Variants in TRABD observed in about 807,000 individuals in gnomAD.
The protein encoded by TRABD is traB domain-containing protein.
TRABD carries 23 observed loss-of-function variants against 39.6 expected under a neutral mutation model. That is an observed-to-expected ratio of 0.58 (90% CI 0.42 to 0.82). TRABD has a LOEUF of 0.82. TRABD is among the 40% of genes least tolerant of loss of function. The pLI is 0.00. For missense variants in TRABD, 487 were observed against 544.9 expected (o/e 0.89, Z 1.06); for synonymous variants, 243 against 232.1 (o/e 1.05, Z -0.43).
intron 1 of TRABD, among the ~76,000 whole-genome samples, chr22:50,191,180 G>A (rs575434914): frequency 7.2e-5 from 11 of 152,180 alleles, no homozygotes; most frequent in African/African-American, 2.2e-4. Flanking sequence ...CAGAAGTCCC[G>A]GCTGTCCAAG....
Position 50,199,036 on chromosome 22 carries a change from C to T in TRABD, c.*517C>T, listed in dbSNP as rs1397938044. Reference sequence around the variant, plus strand: ...CTGGCCCTGGCCGCCACCTCCCTGGCACCGTCTGCCTGCAGGGATTCTGTG... The same window carrying T: ...CTGGCCCTGGCCGCCACCTCCCTGGTACCGTCTGCCTGCAGGGATTCTGTG... On this transcript the variant is annotated 3_prime_UTR_variant, in exon 10 of 10. Transcript: ENST00000380909. 1.4e-6 allele frequency: 1 copy of T among 697,336 alleles called. No individual in the cohort carries two copies. The highest frequency in any genetic ancestry group is 2.7e-6 in the Non-Finnish European group (1 of 373,146). 43.2% of individuals were successfully genotyped at this position (697,336 alleles called of 1,614,324 possible). A position where few individuals can be genotyped will look rare whatever the true frequency, so the allele number is the denominator to read the frequency against.
chr22:50,197,111 G>A (rs2064139252), intron 5 of TRABD, 130 bp from the exon 6 acceptor site: 3 of 907,870 alleles, frequency 3.3e-6, no homozygotes, highest in Non-Finnish European at 5.1e-6. Flanking sequence ...GTCGGGGAGG[G>A]GGCCAAGGAC....
rs754685420 is a variant in TRABD, at chr22:50,198,219, C to T, written c.956+33C>T. The T allele has an allele frequency of 5.1e-6, 8 of 1,575,934 alleles. No homozygotes were observed. The highest frequency in any genetic ancestry group is 6.0e-6 in the Non-Finnish European group (7 of 1,158,710). On this transcript the variant is annotated intron_variant, in intron 9 of 9. Coordinates refer to ENST00000380909, the MANE Select transcript of TRABD (RefSeq NM_001320485.2). The surrounding 1 kb of genome is among the most constrained non-coding windows in gnomAD (Gnocchi z 7.9). ...CCCGCCCCTCCCTGCAAGCCCCACC[C>T]CACAAGCCCCCAGGTGGAGGCTGAG...
rs2064201634 is a variant in TRABD at position 50,198,336 on chromosome 22, C to T, written c.957-9C>T. The T allele has an allele frequency of 3.8e-6, 6 of 1,561,278 alleles. No homozygotes were observed. Among genetic ancestry groups the T allele is most frequent in the Non-Finnish European group, 5.2e-6 (6 of 1,156,396 alleles). ...CCCAGCCAGGCCCAGCGCCCCCTCC[C>T]TCCCACAGCGTGCCCCCGCCGTCCG... On this transcript the variant is annotated splice_polypyrimidine_tract_variant and intron_variant, in intron 9 of 9. Transcript: ENST00000380909. This position sits in a 1 kb window ranked among gnomAD's most constrained non-coding sequence, Gnocchi z 7.9.
At chr22:50,194,298 G>C in intron 3 of TRABD, 42 bp from the exon 4 acceptor site, 1 of 1,594,002 alleles carries the variant, frequency 6.3e-7, no homozygotes. Flanking sequence ...CGGCGTCCTT[G>C]GGGTGGGCCC....
chr22:50,196,073 G>A (rs1001675723), intron 5 of TRABD, among the ~76,000 whole-genome samples: 3 of 152,324 alleles, frequency 2.0e-5, no homozygotes, highest in Admixed American at 2.0e-4. Flanking sequence ...GCTCACTGCT[G>A]CGGTGTCACA....
chr22:50,191,155 G>C (rs2063895845), intron 1 of TRABD, among the ~76,000 whole-genome samples: 1 of 152,168 alleles, frequency 6.6e-6, no homozygotes. Context: ...CCCCAAGCCA[G>C]GCCAGTTCCT....
At chr22:50,197,763 A>AGCCCCCCCCCCCCCCCCCCCCT in intron 7 of TRABD, 60 bp from the exon 8 acceptor site, 2 of 1,439,776 alleles carry the variant, frequency 1.4e-6, no homozygotes, top group Non-Finnish European at 1.9e-6. Flanking sequence ...CCACAGTGCC[A>AGCCCCCCCCCCCCCCCCCCCCT]GCCCCACCCC....
intron 5 of TRABD, chr22:50,196,867 A>T (rs558315204): frequency 1.1e-5 from 2 of 174,416 alleles, no homozygotes; most frequent in Admixed American, 1.2e-4. Context: ...GCTAATTTTT[A>T]TATTTTTAGT....
At position 50,199,351 on chromosome 22, in the gene TRABD, G is replaced by A. The variant is rs1041275607; in HGVS notation, c.*832G>A. 1 of 514,196 alleles carries A rather than the reference G, an allele frequency of 1.9e-6. No individual in the cohort carries two copies. Among genetic ancestry groups the A allele is most frequent in the Admixed American group, 3.5e-5 (1 of 28,622 alleles). The allele number at this position is 514,196 out of a possible 1,614,324, so 31.9% of individuals were successfully genotyped here. The stretch of plus-strand genomic sequence containing the variant: ...CACCTATGTGGAAGGCCAAGGACAT[G>A]GGCTGTGGCCAGGCCTGTCCCGCTC... On this transcript the variant is annotated 3_prime_UTR_variant, in exon 10 of 10. Transcript: ENST00000380909.
At chr22:50,192,870 G>A (rs1232103869) in intron 1 of TRABD, 157 bp from the exon 2 acceptor site, 10 of 541,402 alleles carry the variant, frequency 1.8e-5, no homozygotes, top group Non-Finnish European at 2.7e-5. Flanking sequence ...CTGGACCTCA[G>A]CAGCCTTTGA....
rs148689534 is a variant in TRABD, at chr22:50,197,291, A to G, written c.471A>G (p.Ala157=). 1.2e-6 allele frequency: 2 copies of G among 1,613,726 alleles called. No individual in the cohort carries two copies. Among genetic ancestry groups the G allele is most frequent in the Non-Finnish European group, 1.7e-6 (2 of 1,180,020 alleles). The change falls in exon 6 of 10, where the codon GCA becomes GCG. Residue 157 remains alanine, a synonymous_variant. Transcript: ENST00000380909. Reference sequence around the variant, plus strand: ...AGATGCTGCTGCTGAAGGTGTCTGCACACATCACCGAGCAGCTGGGCATGG... The same window carrying G: ...AGATGCTGCTGCTGAAGGTGTCTGCGCACATCACCGAGCAGCTGGGCATGG... The part of the protein sequence containing the change: ...LMQMLLLKVS[A]HITEQLGMAP...
In TRABD at chr22:50,198,859, A is replaced by C. The variant is rs111658259; in HGVS notation, c.*340A>C. 2 of 539,976 alleles carry C rather than the reference A, an allele frequency of 3.7e-6. No individual in the cohort carries two copies. Among genetic ancestry groups the C allele is most frequent in the African/African-American group, 1.9e-5 (1 of 51,916 alleles). 33.4% of individuals were successfully genotyped at this position (539,976 alleles called of 1,614,324 possible). On this transcript the variant is annotated 3_prime_UTR_variant, in exon 10 of 10. Transcript: ENST00000380909. This position sits in a 1 kb window ranked among gnomAD's most constrained non-coding sequence, Gnocchi z 7.9. ...TCTCAGCCCTGGTGGCAGGCGGGGGACAATGGCCACTGTCCCTACCTCACT... is the reference window on the plus strand; with the variant it reads ...TCTCAGCCCTGGTGGCAGGCGGGGGCCAATGGCCACTGTCCCTACCTCACT...
intron 3 of TRABD, among the ~76,000 whole-genome samples, chr22:50,193,861 G>C (rs920019887): frequency 1.1e-4 from 2 of 18,132 alleles, no homozygotes; most frequent in African/African-American, 1.7e-3. Context: ...CTCTTGGAGG[G>C]GCTGCAAGCA....
In TRABD at chr22:50,197,796, C is replaced by T. The variant is rs371851334; in HGVS notation, c.672-27C>T. 1.3e-5 allele frequency: 20 copies of T among 1,569,242 alleles called. No homozygotes were observed. In the African/African-American group the frequency reaches 1.8e-4, roughly 14 times the overall value. On this transcript the variant is annotated intron_variant, in intron 7 of 9. Transcript: ENST00000380909. ...CCCCCCAGCCCGTTGCCCATCCCTG[C>T]GGGGCTGCAGCCATCCCTCTCCACA...
At chr22:50,197,764 G>GGCCCCCCC in intron 7 of TRABD, 59 bp from the exon 8 acceptor site, 23 of 1,284,716 alleles carry the variant, frequency 1.8e-5, no homozygotes, top group Non-Finnish European at 2.4e-5. Flanking sequence ...CACAGTGCCA[G>GGCCCCCCC]CCCCACCCCC....
rs749307964 is a variant in TRABD at position 50,197,885 on chromosome 22, T to C, written c.734T>C (p.Ile245Thr). ...DLLEQMMAEM[I>T]GEFPDLHRTI... ...CTGGAGCAGATGATGGCCGAGATGA[T>C]TGGCGAGTTCCCAGACCTGCACCGC... is the stretch of plus-strand genomic sequence containing the variant. The change falls in exon 8 of 10, where the codon ATT (isoleucine) becomes ACT (threonine). Residue 245 changes from isoleucine to threonine, a missense_variant. Coordinates refer to ENST00000380909, the MANE Select transcript of TRABD (RefSeq NM_001320485.2). The C allele has an allele frequency of 2.8e-5, 45 of 1,611,528 alleles. No homozygotes were observed. The highest frequency in any genetic ancestry group is 1.6e-4 in the Middle Eastern group (1 of 6,080).
chr22:50,198,832 C>T lies in TRABD; in HGVS notation c.*313C>T. Reference sequence around the variant, plus strand: ...TAGGAGGGGCCGAGGCGTGCGCTGCCCTCTCAGCCCTGGTGGCAGGCGGGG... The same window carrying T: ...TAGGAGGGGCCGAGGCGTGCGCTGCTCTCTCAGCCCTGGTGGCAGGCGGGG... On this transcript the variant is annotated 3_prime_UTR_variant, in exon 10 of 10. Coordinates refer to ENST00000380909, the MANE Select transcript of TRABD (RefSeq NM_001320485.2). This position sits in a 1 kb window ranked among gnomAD's most constrained non-coding sequence, Gnocchi z 7.9. 1 of 545,366 alleles carries T rather than the reference C, an allele frequency of 1.8e-6. No individual in the cohort carries two copies. Among genetic ancestry groups the T allele is most frequent in the Middle Eastern group, 4.8e-4 (1 of 2,062 alleles). 33.8% of individuals were successfully genotyped at this position (545,366 alleles called of 1,614,324 possible).
intron 1 of TRABD, among the ~76,000 whole-genome samples, chr22:50,191,258 G>A (rs1180529497): frequency 6.6e-6 from 1 of 152,180 alleles, no homozygotes; most frequent in Admixed American, 6.5e-5. Context: ...CACTGAGACA[G>A]GCCTCTTCCC....
Sources: allele counts gnomAD v4.1 joint callset (sites outside exome capture counted in the v4.1 genomes callset), GRCh38; gene constraint gnomAD v4.1.1; non-coding constraint Gnocchi (gnomAD v3.1); transcripts MANE v1.5; gene names NCBI Gene and HGNC (gene_info 2026-07-23, HGNC 2026-07-21).